The following CRY1 variants were observed in gnomAD, a reference collection of about 807,000 sequenced individuals.
The protein encoded by CRY1 is cryptochrome circadian regulator 1.
Under a neutral mutation model 76.0 loss-of-function variants are expected in CRY1, and 45 were observed. That is an observed-to-expected ratio of 0.59 (90% CI 0.47 to 0.76). The LOEUF (loss-of-function observed/expected upper bound fraction) is 0.76. Among genes scored for constraint, CRY1 ranks in the 30% least tolerant of loss-of-function variants. The pLI, the probability that CRY1 is intolerant of heterozygous loss-of-function variation, is 0.00. For synonymous variants in CRY1, 248 were observed against 244.0 expected (o/e 1.02, Z -0.15); for missense variants, 587 against 716.4 (o/e 0.82, Z 2.06).
At chr12:107,007,522 T>C (rs535700078) in intron 2 of CRY1, among the ~76,000 whole-genome samples, 3 of 151,690 alleles carry the variant, frequency 2.0e-5, no homozygotes, top group Non-Finnish European at 4.4e-5. Context: ...ACAGGAACTC[T>C]TTTTCTTCTT....
rs568720901 is a variant in CRY1 at position 107,047,104 on chromosome 12, G to T, written c.159-24912C>A. On this transcript the variant is annotated intron_variant, in intron 1 of 12. Transcript: ENST00000008527. ...TTTCATTGGCATATGAAACGTTCTT[G>T]TGGACAGACCACACGTTAGGTCACA... Among the ~76,000 whole-genome samples the T allele has an allele frequency of 2.0e-5, 3 of 152,282 alleles. No individual in the cohort carries two copies. The South Asian group carries it at 6.2e-4, about 32-fold the overall frequency.
chr12:107,065,363 C>T lies in CRY1; in HGVS notation c.158+27441G>A, dbSNP rs531780227. Among the ~76,000 whole-genome samples the T allele has an allele frequency of 1.4e-4, 22 of 151,968 alleles. No homozygotes were observed. In the South Asian group the frequency reaches 4.4e-3, roughly 30 times the overall value. Reference sequence around the variant, plus strand: ...ATCCCAGCACTTTGGGAAGCCAAGGCGGGCGGATAACCTGAGGTCAGGAGT... The same window carrying T: ...ATCCCAGCACTTTGGGAAGCCAAGGTGGGCGGATAACCTGAGGTCAGGAGT... On this transcript the variant is annotated intron_variant, in intron 1 of 12. Transcript: ENST00000008527.
At position 106,999,982 on chromosome 12, in the gene CRY1, C is replaced by A. The variant is rs1341207423; in HGVS notation, c.785G>T (p.Cys262Phe). Residue 262 changes from cysteine to phenylalanine, a missense_variant, in exon 6 of 13, where the codon TGT becomes TTT. Cys to Phe is a radical substitution (Grantham distance 205). Coordinates refer to ENST00000008527, the MANE Select transcript of CRY1 (RefSeq NM_004075.5). Reference protein sequence around the residue: ...SPYLRFGCLSCRLFYFKLTDL... With the variant: ...SPYLRFGCLSFRLFYFKLTDL... ...TGTTAGTTTGAAGTAAAACAGTCGA[C>A]ATGACAAACAACCAAATCGGAGATA... is the stretch of plus-strand genomic sequence containing the variant. The A allele has an allele frequency of 6.2e-7, 1 of 1,612,416 alleles. No homozygotes were observed. Among genetic ancestry groups the A allele is most frequent in the South Asian group, 1.1e-5 (1 of 90,306 alleles).
intron 2 of CRY1, among the ~76,000 whole-genome samples, chr12:107,021,696 A>G (rs1390463628): frequency 6.6e-6 from 1 of 152,060 alleles, no homozygotes; most frequent in African/African-American, 2.4e-5. Flanking sequence ...GTGTGTGTGT[A>G]TACACATATA....
chr12:107,009,547 C>CAAAA (rs1428677003), intron 2 of CRY1, among the ~76,000 whole-genome samples: 1 of 39,124 alleles, frequency 2.6e-5, no homozygotes, highest in Non-Finnish European at 7.1e-5. Context: ...TCAGAAAAAA[C>CAAAA]AAAAAAACAA....
chr12:107,008,642 A>G (rs577660864), intron 2 of CRY1, among the ~76,000 whole-genome samples: 3 of 152,238 alleles, frequency 2.0e-5, no homozygotes, highest in African/African-American at 7.2e-5. Flanking sequence ...GTTTTTTTGT[A>G]GACTTCCTTT....
chr12:107,006,113 C>T (rs994926392), intron 2 of CRY1, among the ~76,000 whole-genome samples: 2 of 152,024 alleles, frequency 1.3e-5, no homozygotes, highest in African/African-American at 4.8e-5. Context: ...AGGCGGCGTG[C>T]GGTGGCTCAT....
At chr12:107,011,495 T>C (rs1050606089) in intron 2 of CRY1, among the ~76,000 whole-genome samples, 5 of 151,068 alleles carry the variant, frequency 3.3e-5, no homozygotes, top group African/African-American at 1.2e-4. Context: ...ACATGAATCA[T>C]AAAAAAAAAC....
intron 1 of CRY1, among the ~76,000 whole-genome samples, chr12:107,075,560 GA>G (rs2136896133): frequency 6.6e-6 from 1 of 152,246 alleles, no homozygotes; most frequent in South Asian, 2.1e-4. Context: ...ATTTACACAG[GA>G]AAGTCAACTT....
chr12:107,010,325 G>A (rs61942390), intron 2 of CRY1, among the ~76,000 whole-genome samples: 178 of 152,128 alleles, frequency 1.2e-3, no homozygotes, highest in Non-Finnish European at 2.2e-3. Context: ...CAAAGAACCC[G>A]TTTTTGGCTT....
chr12:107,005,959 T>C (rs1227898595), intron 2 of CRY1, among the ~76,000 whole-genome samples: 1 of 152,158 alleles, frequency 6.6e-6, no homozygotes, highest in Non-Finnish European at 1.5e-5. Context: ...TTTTTTTTTA[T>C]TCTAAGTCTA....
At chr12:107,059,653 AATCC>A (rs1245535022) in intron 1 of CRY1, among the ~76,000 whole-genome samples, 1 of 151,776 alleles carries the variant, frequency 6.6e-6, no homozygotes, top group Non-Finnish European at 1.5e-5. Flanking sequence ...TATCAAACAA[AATCC>A]ATGATATCCA....
chr12:107,083,349 C>T (rs1374725064), intron 1 of CRY1, among the ~76,000 whole-genome samples: 3 of 152,136 alleles, frequency 2.0e-5, no homozygotes, highest in Non-Finnish European at 2.9e-5. Flanking sequence ...TTATATGAGG[C>T]CAACATCATT....
chr12:107,052,182 T>C (rs1952930845), intron 1 of CRY1, among the ~76,000 whole-genome samples: 1 of 133,618 alleles, frequency 7.5e-6, no homozygotes, highest in Non-Finnish European at 1.7e-5. Context: ...CCTAGAATTC[T>C]ATACCCAGTG....
intron 2 of CRY1, 104 bp from the exon 3 acceptor site, chr12:107,005,352 A>C: frequency 8.1e-7 from 1 of 1,228,658 alleles, no homozygotes; most frequent in Non-Finnish European, 1.1e-6. Context: ...AAAGGATTAT[A>C]CATAAATCAA....
intron 3 of CRY1, among the ~76,000 whole-genome samples, chr12:107,003,310 T>G (rs1417477769): frequency 6.6e-6 from 1 of 152,212 alleles, no homozygotes; most frequent in Non-Finnish European, 1.5e-5. Context: ...TAGACACTCT[T>G]TTGGAATAAC....
chr12:107,036,366 T>G (rs1256067146), intron 1 of CRY1, among the ~76,000 whole-genome samples: 1 of 152,198 alleles, frequency 6.6e-6, no homozygotes, highest in African/African-American at 2.4e-5. Context: ...ACATCCAGAA[T>G]CTGATTACTT....
intron 1 of CRY1, among the ~76,000 whole-genome samples, chr12:107,033,482 C>G (rs927210311): frequency 4.6e-5 from 7 of 152,146 alleles, no homozygotes; most frequent in Non-Finnish European, 1.0e-4. Context: ...TAATTTCACT[C>G]ATGAGCATAT....
chr12:107,091,318 G>A (rs1036632621), intron 1 of CRY1, among the ~76,000 whole-genome samples: 10 of 152,160 alleles, frequency 6.6e-5, no homozygotes, highest in Admixed American at 4.6e-4. Context: ...ATGAGCCACC[G>A]CGCCCAGCCT....
Sources: gnomAD v4.1 joint callset for allele counts (sites outside exome capture counted in the v4.1 genomes callset) on GRCh38, gnomAD v4.1.1 for gene constraint, MANE v1.5 for transcripts, NCBI Gene and HGNC (gene_info 2026-07-23, HGNC 2026-07-21) for gene names.